BNC2: variants seen among roughly 807,000 people sequenced by gnomAD.
The protein encoded by BNC2 is zinc finger protein basonuclin-2.
Under a neutral mutation model 76.3 loss-of-function variants are expected in BNC2, and 20 were observed. That is an observed-to-expected ratio of 0.26 (90% CI 0.18 to 0.38). The LOEUF (loss-of-function observed/expected upper bound fraction) is 0.38. Ranked by LOEUF, BNC2 falls within the 10% of genes least tolerant of loss-of-function variation. The probability of loss-of-function intolerance (pLI) is 1.00; values close to 1 mark genes in which losing one functional copy is unlikely to be tolerated. For missense variants in BNC2, 1,382 were observed against 1,399.8 expected (o/e 0.99, Z 0.20); for synonymous variants, 582 against 514.8 (o/e 1.13, Z -1.77).
chr9:16,511,771 A>C (rs10123674), intron 5 of BNC2, among the ~76,000 whole-genome samples: 16,993 of 152,046 alleles, frequency 0.11, 1,283 homozygotes, highest in East Asian at 0.31. Flanking sequence ...GCAGAAGAAT[A>C]AAGACCTTTT....
At chr9:16,506,231 A>G (rs1037044206) in intron 5 of BNC2, among the ~76,000 whole-genome samples, 2 of 152,222 alleles carry the variant, frequency 1.3e-5, no homozygotes, top group Non-Finnish European at 1.5e-5. Context: ...AGTTTTTAGA[A>G]AAGTCACAAA....
intron 3 of BNC2, among the ~76,000 whole-genome samples, chr9:16,724,040 C>T (rs1824243402): frequency 1.3e-5 from 2 of 151,990 alleles, no homozygotes; most frequent in African/African-American, 4.8e-5. Context: ...TGCAGAGAGT[C>T]ATTTATAATC....
intron 1 of BNC2, among the ~76,000 whole-genome samples, chr9:16,862,340 A>T (rs1289870559): frequency 6.6e-6 from 1 of 152,224 alleles, no homozygotes; most frequent in Non-Finnish European, 1.5e-5. Flanking sequence ...TGGGTGAGTT[A>T]TATCTCAATA....
At chr9:16,610,650 A>G (rs1179088943) in intron 3 of BNC2, among the ~76,000 whole-genome samples, 1 of 152,140 alleles carries the variant, frequency 6.6e-6, no homozygotes, top group Non-Finnish European at 1.5e-5. Flanking sequence ...GTGGTAACTT[A>G]ACTCTCATTC....
At chr9:16,661,910 C>T (rs1822121526) in intron 3 of BNC2, among the ~76,000 whole-genome samples, 1 of 152,194 alleles carries the variant, frequency 6.6e-6, no homozygotes, top group Non-Finnish European at 1.5e-5. Flanking sequence ...ACTACTTAGA[C>T]AACTCCTTAG....
chr9:16,812,426 G>C (rs1818075970), intron 1 of BNC2, among the ~76,000 whole-genome samples: 3 of 152,220 alleles, frequency 2.0e-5, no homozygotes, highest in Admixed American at 2.0e-4. Flanking sequence ...AGCAAGGCCA[G>C]ACGCCAGCTC....
intron 1 of BNC2, among the ~76,000 whole-genome samples, chr9:16,787,451 C>T (rs1235804416): frequency 6.6e-6 from 1 of 152,170 alleles, no homozygotes; most frequent in Non-Finnish European, 1.5e-5. Flanking sequence ...CCCAGCTCTG[C>T]CAGAATTAGC....
rs1025627113 is a variant in BNC2, at chr9:16,818,654, T to C, written c.3+51992A>G. Among the ~76,000 whole-genome samples, 4 of 152,280 alleles carry C rather than the reference T, an allele frequency of 2.6e-5. No individual in the cohort carries two copies. The East Asian group carries it at 7.7e-4, about 29-fold the overall frequency. Reference sequence around the variant, plus strand: ...TCTCAAGCATCAAAAAAGTTCAGACTAGATCTATGAATTTTAATGGAGAAG... The same window carrying C: ...TCTCAAGCATCAAAAAAGTTCAGACCAGATCTATGAATTTTAATGGAGAAG... On this transcript the variant is annotated intron_variant, in intron 1 of 6. Coordinates refer to ENST00000380672, the MANE Select transcript of BNC2 (RefSeq NM_017637.6).
rs754154261 is a variant in BNC2, at chr9:16,419,271, G to T, written c.3018C>A (p.Ala1006=). Residue 1006 remains alanine (A), a synonymous_variant, in exon 7 of 7, where the codon GCC becomes GCA. Coordinates refer to ENST00000380672, the MANE Select transcript of BNC2 (RefSeq NM_017637.6). The part of the protein sequence containing the change: ...ASDSGESAHK[A]EAPALPGSLG... Reference sequence around the variant, plus strand: ...GGCTGCCAGGGAGGGCAGGGGCCTCGGCCTTGTGTGCCGACTCCCCACTGT... The same window carrying T: ...GGCTGCCAGGGAGGGCAGGGGCCTCTGCCTTGTGTGCCGACTCCCCACTGT... The T allele has an allele frequency of 3.1e-6, 5 of 1,614,134 alleles. No homozygotes were observed. In the Admixed American group the frequency reaches 5.0e-5, roughly 16 times the overall value.
intron 5 of BNC2, among the ~76,000 whole-genome samples, chr9:16,502,557 C>G (rs1220447937): frequency 2.6e-5 from 4 of 151,948 alleles, no homozygotes. Context: ...TTTTTTCCCC[C>G]CCTCTTACTT....
intron 3 of BNC2, among the ~76,000 whole-genome samples, chr9:16,612,741 C>A (rs1360380393): frequency 6.6e-6 from 1 of 152,054 alleles, no homozygotes; most frequent in Admixed American, 6.6e-5. Flanking sequence ...AAACAAAATG[C>A]TTTAGGGTTC....
At chr9:16,548,578 G>A (rs940826350) in intron 5 of BNC2, among the ~76,000 whole-genome samples, 14 of 152,022 alleles carry the variant, frequency 9.2e-5, no homozygotes, top group African/African-American at 3.4e-4. Flanking sequence ...GCTAATTTTT[G>A]TATTTTAGTA....
intron 5 of BNC2, among the ~76,000 whole-genome samples, chr9:16,547,210 T>C (rs1438398674): frequency 6.6e-6 from 1 of 152,254 alleles, no homozygotes; most frequent in Non-Finnish European, 1.5e-5. Flanking sequence ...TTAATATGGA[T>C]GTTTTCTACC....
intron 5 of BNC2, among the ~76,000 whole-genome samples, chr9:16,533,559 G>C (rs1818045808): frequency 6.6e-6 from 1 of 152,132 alleles, no homozygotes; most frequent in Non-Finnish European, 1.5e-5. Context: ...GGCAGTATCT[G>C]TTAAGATGAA....
At chr9:16,488,057 T>A (rs1013918118) in intron 5 of BNC2, among the ~76,000 whole-genome samples, 1 of 152,174 alleles carries the variant, frequency 6.6e-6, no homozygotes, top group African/African-American at 2.4e-5. Flanking sequence ...TTGCTTTATC[T>A]TTGTACTACT....
At chr9:16,709,381 C>G (rs1823769346) in intron 3 of BNC2, among the ~76,000 whole-genome samples, 1 of 152,218 alleles carries the variant, frequency 6.6e-6, no homozygotes. Flanking sequence ...ACTTAAGTCT[C>G]TCAGCACACC....
chr9:16,650,162 T>C (rs1821753438), intron 3 of BNC2, among the ~76,000 whole-genome samples: 1 of 152,216 alleles, frequency 6.6e-6, no homozygotes. Flanking sequence ...ATAATGTCAT[T>C]CACAAGACAC....
intron 5 of BNC2, among the ~76,000 whole-genome samples, chr9:16,451,461 A>G (rs917071673): frequency 6.6e-6 from 1 of 151,854 alleles, no homozygotes. Context: ...TATTGTACAC[A>G]GAATAAATAA....
intron 1 of BNC2, among the ~76,000 whole-genome samples, chr9:16,756,553 T>C (rs746812653): frequency 2.6e-5 from 4 of 152,238 alleles, no homozygotes; most frequent in Non-Finnish European, 2.9e-5. Context: ...CCTGTAAGAT[T>C]TGATCTCTGC....
Sources: allele counts gnomAD v4.1 joint callset (sites outside exome capture counted in the v4.1 genomes callset), GRCh38; gene constraint gnomAD v4.1.1; transcripts MANE v1.5; gene names NCBI Gene and HGNC (gene_info 2026-07-23, HGNC 2026-07-21).